Variants in ADAM12 observed in about 807,000 individuals in gnomAD.
ADAM12 encodes ADAM metallopeptidase domain 12, also known as disintegrin and metalloproteinase domain-containing protein 12.
ADAM12 carries 70 observed loss-of-function variants against 106.4 expected under a neutral mutation model. The observed-to-expected ratio is 0.66, with a 90% confidence interval of 0.54 to 0.80. The LOEUF (loss-of-function observed/expected upper bound fraction) is 0.80, where lower values mean the gene tolerates loss of function less well. Among genes scored for constraint, ADAM12 ranks in the 30% least tolerant of loss-of-function variants. The probability of loss-of-function intolerance (pLI) is 0.00; values close to 1 mark genes in which losing one functional copy is unlikely to be tolerated. For synonymous variants in ADAM12, 420 were observed against 433.5 expected (o/e 0.97, Z 0.39); for missense variants, 1,010 against 1,171.9 (o/e 0.86, Z 2.02).
intron 3 of ADAM12, among the ~76,000 whole-genome samples, chr10:126,163,061 A>ATG (rs1491204492): frequency 4.6e-5 from 7 of 152,090 alleles, no homozygotes; most frequent in African/African-American, 1.4e-4. Context: ...TACGAGGTAC[A>ATG]TGTTTCCACT....
Position 126,118,150 on chromosome 10 carries a change from A to T in ADAM12, c.491T>A (p.Phe164Tyr). 2 of 1,614,026 alleles carry T rather than the reference A, an allele frequency of 1.2e-6. No individual in the cohort carries two copies. Among genetic ancestry groups the T allele is most frequent in the Non-Finnish European group, 1.7e-6 (2 of 1,179,912 alleles). The change falls in exon 6 of 23, where the codon TTC becomes TAC. Residue 164 changes from phenylalanine to tyrosine, a missense_variant. This residue lies in a region of ADAM12 where 391 missense variants were observed against 442.9 expected (regional missense o/e 0.88). Transcript: ENST00000448723. ...MKSATNRYKL[F>Y]PAKKLKSVRG... ...GACGCTTTTCAGCTTCTTCGCTGGG[A>T]AGAGTTTGTATCTGTTGGTTGCACT...
chr10:126,292,768 T>G (rs1201617734), intron 2 of ADAM12, among the ~76,000 whole-genome samples: 1 of 152,260 alleles, frequency 6.6e-6, no homozygotes, highest in Admixed American at 6.5e-5. Context: ...AGTCAAACTT[T>G]ATTGATGTAC....
In ADAM12 at chr10:126,316,435, G is replaced by A. The variant is rs374311352; in HGVS notation, c.186+13977C>T. ...CAATAGTATCCTAGGCAGGGCCTCC[G>A]CCCTCAGCAGCTGAGCAGGTTTAGA... is the stretch of plus-strand genomic sequence containing the variant. On this transcript the variant is annotated intron_variant, in intron 2 of 22. Coordinates refer to ENST00000448723, the MANE Select transcript of ADAM12 (RefSeq NM_001288973.2). 6.5e-4 allele frequency among the ~76,000 whole-genome samples: 99 copies of A among 152,246 alleles called. 1 individual carries two copies. The highest frequency in any genetic ancestry group is 2.3e-3 in the African/African-American group (96 of 41,538).
chr10:126,131,976 C>T (rs1007308482), intron 5 of ADAM12, among the ~76,000 whole-genome samples: 5 of 138,526 alleles, frequency 3.6e-5, no homozygotes, highest in Non-Finnish European at 6.3e-5. Context: ...AGTTTGAATT[C>T]GTGTTTTTTT....
At chr10:126,214,822 T>C (rs1386732475) in intron 3 of ADAM12, among the ~76,000 whole-genome samples, 2 of 152,174 alleles carry the variant, frequency 1.3e-5, no homozygotes, top group Admixed American at 1.3e-4. Flanking sequence ...GAATAGCAGC[T>C]TTCTGGAATG....
At chr10:126,036,405 C>T in intron 20 of ADAM12, 80 bp from the exon 21 acceptor site, 3 of 1,453,210 alleles carry the variant, frequency 2.1e-6, no homozygotes, top group Non-Finnish European at 1.8e-6. Flanking sequence ...GCAGTGCTAA[C>T]TCATCTGTTA....
At chr10:126,352,644 G>A (rs1183981151) in intron 1 of ADAM12, among the ~76,000 whole-genome samples, 4 of 152,152 alleles carry the variant, frequency 2.6e-5, no homozygotes, top group African/African-American at 4.8e-5. Flanking sequence ...GTTGCCAGGC[G>A]CTTGACAGTT....
intron 3 of ADAM12, among the ~76,000 whole-genome samples, chr10:126,210,825 C>G (rs548140325): frequency 1.3e-5 from 2 of 152,236 alleles, no homozygotes; most frequent in African/African-American, 4.8e-5. Context: ...AGGGCAGGAG[C>G]AAGGCTGTGA....
chr10:126,021,237 C>T (rs1398741222), intron 21 of ADAM12, among the ~76,000 whole-genome samples: 1 of 152,160 alleles, frequency 6.6e-6, no homozygotes, highest in Non-Finnish European at 1.5e-5. Context: ...GGAGACAGAA[C>T]ACCCCTAATA....
intron 22 of ADAM12, among the ~76,000 whole-genome samples, chr10:126,019,013 TC>T (rs1285690507): frequency 6.6e-6 from 1 of 152,148 alleles, no homozygotes; most frequent in Non-Finnish European, 1.5e-5. Flanking sequence ...CAAATTGTAA[TC>T]CCCAAAGTTG....
At chr10:126,174,901 T>C (rs1339262674) in intron 3 of ADAM12, among the ~76,000 whole-genome samples, 1 of 151,864 alleles carries the variant, frequency 6.6e-6, no homozygotes, top group Non-Finnish European at 1.5e-5. Flanking sequence ...TACAGGCACC[T>C]GCCACCACGC....
chr10:126,387,669 C>G (rs1173676539), intron 1 of ADAM12, among the ~76,000 whole-genome samples: 1 of 152,080 alleles, frequency 6.6e-6, no homozygotes. Context: ...TGGCCCGGAG[C>G]CTGGGGTGGG....
chr10:126,326,980 A>T (rs1854326150), intron 2 of ADAM12, among the ~76,000 whole-genome samples: 1 of 152,194 alleles, frequency 6.6e-6, no homozygotes, highest in African/African-American at 2.4e-5. Context: ...ACCCCCAGGA[A>T]CTTGTTACCA....
intron 12 of ADAM12, among the ~76,000 whole-genome samples, chr10:126,068,999 T>C (rs1197005078): frequency 6.6e-6 from 1 of 152,150 alleles, no homozygotes; most frequent in East Asian, 1.9e-4. Flanking sequence ...GTTTTTCGGA[T>C]CCCATTTACT....
intron 3 of ADAM12, among the ~76,000 whole-genome samples, chr10:126,233,174 C>A (rs192168260): frequency 6.6e-6 from 1 of 151,936 alleles, no homozygotes; most frequent in Non-Finnish European, 1.5e-5. Context: ...GCAGGGTGTG[C>A]GGGAGAAGAA....
chr10:126,082,194 TG>T (rs1002309332), intron 11 of ADAM12, among the ~76,000 whole-genome samples: 42 of 152,162 alleles, frequency 2.8e-4, no homozygotes, highest in African/African-American at 9.2e-4. Flanking sequence ...GGTTGTCTTC[TG>T]TTCCTGAAAG....
chr10:126,078,491 A>G (rs7074810), intron 11 of ADAM12, among the ~76,000 whole-genome samples: 18,950 of 152,130 alleles, frequency 0.12, 1,527 homozygotes, highest in African/African-American at 0.22. Flanking sequence ...TATGCCACAT[A>G]AATGGAGTCT....
In ADAM12 at chr10:126,075,094, G is replaced by A. The variant is rs532399836; in HGVS notation, c.1146-3440C>T. On this transcript the variant is annotated intron_variant, in intron 11 of 22. Coordinates refer to ENST00000448723, the MANE Select transcript of ADAM12 (RefSeq NM_001288973.2). ...ACATTCCTGCCATTTCCTCGGACTG[G>A]GTCAGCCAATATCGCTACCATTTCC... 3.3e-5 allele frequency among the ~76,000 whole-genome samples: 5 copies of A among 152,218 alleles called. No individual in the cohort carries two copies. In the South Asian group the frequency reaches 1.0e-3, roughly 32 times the overall value.
chr10:126,259,161 G>A (rs1465983792), intron 3 of ADAM12, among the ~76,000 whole-genome samples: 1 of 149,468 alleles, frequency 6.7e-6, no homozygotes, highest in Non-Finnish European at 1.5e-5. Context: ...TCTAACAGAC[G>A]TCAAACTGAG....
Sources: gnomAD v4.1 joint callset for allele counts (sites outside exome capture counted in the v4.1 genomes callset) on GRCh38, gnomAD v4.1.1 for gene constraint, gnomAD v4.1.1 regional missense constraint, MANE v1.5 for transcripts, NCBI Gene and HGNC (gene_info 2026-07-23, HGNC 2026-07-21) for gene names.